PCDHGA3: variants seen among roughly 807,000 people sequenced by gnomAD.
The protein encoded by PCDHGA3 is protocadherin gamma subfamily A, 3, also known as protocadherin gamma-A3.
Under a neutral mutation model 58.5 loss-of-function variants are expected in PCDHGA3, and 40 were observed. The ratio of observed to expected loss-of-function variants is 0.68; its 90% confidence interval spans 0.53 to 0.89. PCDHGA3 has a LOEUF of 0.89. Among genes scored for constraint, PCDHGA3 ranks in the 40% least tolerant of loss-of-function variants. The probability of loss-of-function intolerance (pLI) is 0.00; values close to 1 mark genes in which losing one functional copy is unlikely to be tolerated. For synonymous variants in PCDHGA3, 530 were observed against 525.7 expected (o/e 1.01, Z -0.11); for missense variants, 1,223 against 1,195.9 (o/e 1.02, Z -0.33).
intron 1 of PCDHGA3, chr5:141,414,452 T>C (rs767824112): frequency 6.2e-7 from 1 of 1,613,886 alleles, no homozygotes. Flanking sequence ...AATATCACAG[T>C]GACAGCCACA....
intron 1 of PCDHGA3, among the ~76,000 whole-genome samples, chr5:141,475,250 A>G (rs941738675): frequency 6.6e-6 from 1 of 152,246 alleles, no homozygotes; most frequent in Non-Finnish European, 1.5e-5. Context: ...AGTGTGCTCT[A>G]CAACTGAGAT....
chr5:141,387,810 A>G (rs2091099710), intron 1 of PCDHGA3: 1 of 1,525,916 alleles, frequency 6.6e-7, no homozygotes. Context: ...TCGGAGATCC[A>G]AAAATCTGCA....
chr5:141,384,386 T>A (rs1208791457), intron 1 of PCDHGA3: 1 of 1,613,954 alleles, frequency 6.2e-7, no homozygotes, highest in South Asian at 1.1e-5. Flanking sequence ...GAAGACACCA[T>A]CCAGGGGGCT....
rs1367772661 is a variant in PCDHGA3, at chr5:141,512,193, GGAAGCTC to G, written c.*1026_*1032del. 2.0e-5 allele frequency: 3 copies of G among 152,756 alleles called. No homozygotes were observed. Among genetic ancestry groups the G allele is most frequent in the Non-Finnish European group, 4.4e-5 (3 of 68,136 alleles). 9.5% of individuals were successfully genotyped at this position (152,756 alleles called of 1,614,324 possible). ...GGATTAAACTGGCATTTCAGTCCAAGGAAGCTCGAAGCAGGTTTAGGACCAGGTCCCC... is the reference window on the plus strand; with the variant it reads ...GGATTAAACTGGCATTTCAGTCCAAGGAAGCAGGTTTAGGACCAGGTCCCC... On this transcript the variant is annotated 3_prime_UTR_variant, in exon 4 of 4. Coordinates refer to ENST00000253812, the MANE Select transcript of PCDHGA3 (RefSeq NM_018916.4).
In PCDHGA3 at chr5:141,385,322, A is replaced by C. The variant is rs1781120693; in HGVS notation, c.2424+38865A>C. On this transcript the variant is annotated intron_variant, in intron 1 of 3. Coordinates refer to ENST00000253812, the MANE Select transcript of PCDHGA3 (RefSeq NM_018916.4). ...TGTAAAGAAAACCTGCCAAGTATTC[A>C]GGTGAGCCCAGCCCTTCCTTTATTT... is the stretch of plus-strand genomic sequence containing the variant. The C allele has an allele frequency of 1.9e-6, 3 of 1,606,974 alleles. No homozygotes were observed. In the East Asian group the frequency reaches 6.7e-5, roughly 36 times the overall value.
At chr5:141,488,978 C>T (rs1346335195) in intron 1 of PCDHGA3, 4 of 388,976 alleles carry the variant, frequency 1.0e-5, no homozygotes, top group African/African-American at 2.1e-5. Flanking sequence ...GCCAATCAGA[C>T]TCAGAGCTGA....
At chr5:141,410,029 G>T (rs2095350230) in intron 1 of PCDHGA3, 15 of 1,613,274 alleles carry the variant, frequency 9.3e-6, no homozygotes, top group Non-Finnish European at 1.3e-5. Context: ...ACCACGTGCT[G>T]CAGGCCAGTG....
intron 1 of PCDHGA3, chr5:141,396,140 G>A (rs1199993001): frequency 2.0e-5 from 3 of 152,178 alleles, no homozygotes; most frequent in Non-Finnish European, 4.4e-5. Flanking sequence ...TTCTAAATAA[G>A]CTGATCAATT....
At chr5:141,383,639 A>G in intron 1 of PCDHGA3, 3 of 1,613,964 alleles carry the variant, frequency 1.9e-6, no homozygotes, top group Non-Finnish European at 2.5e-6. Flanking sequence ...CTGCCTCAGT[A>G]CCAAGTAACT....
In PCDHGA3 at chr5:141,375,892, G is replaced by C. The variant is rs753797132; in HGVS notation, c.2424+29435G>C. On this transcript the variant is annotated intron_variant, in intron 1 of 3. Transcript: ENST00000253812. ...ACAGAGACTCGGGCCAGAACGCCTG[G>C]CTGTCCTACCGCCTGCTCAAGGCCA... is the stretch of plus-strand genomic sequence containing the variant. 5 of 1,613,676 alleles carry C rather than the reference G, an allele frequency of 3.1e-6. No individual in the cohort carries two copies. In the Admixed American group the frequency reaches 8.3e-5, roughly 27 times the overall value.
rs144018757 is a variant in PCDHGA3, at chr5:141,443,001, A to G, written c.2425-51806A>G. On this transcript the variant is annotated intron_variant, in intron 1 of 3. Transcript: ENST00000253812. ...GTTAGCCTATAATTTCAGTAAATCTAAGAATATGACTAATGGAAGTTGCCA... is the reference window on the plus strand; with the variant it reads ...GTTAGCCTATAATTTCAGTAAATCTGAGAATATGACTAATGGAAGTTGCCA... Among the ~76,000 whole-genome samples the G allele has an allele frequency of 1.3e-3, 194 of 152,312 alleles. 1 individual carries two copies. The East Asian group carries it at 0.032, about 25-fold the overall frequency.
intron 1 of PCDHGA3, among the ~76,000 whole-genome samples, chr5:141,382,030 T>C (rs953371042): frequency 6.6e-6 from 1 of 151,856 alleles, no homozygotes; most frequent in African/African-American, 2.4e-5. Context: ...GGTTTCTCCA[T>C]GTTGGTCAGG....
At chr5:141,495,278 C>A (rs2099760057) in intron 2 of PCDHGA3, among the ~76,000 whole-genome samples, 1 of 152,174 alleles carries the variant, frequency 6.6e-6, no homozygotes, top group Non-Finnish European at 1.5e-5. Context: ...CCGGAGGAGG[C>A]GGTCCGCACT....
intron 1 of PCDHGA3, chr5:141,402,998 C>G: frequency 6.2e-7 from 1 of 1,613,908 alleles, no homozygotes; most frequent in Non-Finnish European, 8.5e-7. Context: ...ATTAGTCCTG[C>G]TATGCTCGCT....
intron 1 of PCDHGA3, chr5:141,478,134 C>A (rs2099431418): frequency 6.2e-7 from 1 of 1,614,074 alleles, no homozygotes; most frequent in African/African-American, 1.3e-5. Flanking sequence ...TCTCCTGAAG[C>A]CCGAGCCGAG....
At chr5:141,372,803 G>A (rs539583252) in intron 1 of PCDHGA3, 71 of 1,593,016 alleles carry the variant, frequency 4.5e-5, no homozygotes, top group Non-Finnish European at 6.1e-5. Flanking sequence ...CAGGCAATTT[G>A]CAAAAGGTGA....
At chr5:141,366,024 C>A in intron 1 of PCDHGA3, 1 of 1,614,260 alleles carries the variant, frequency 6.2e-7, no homozygotes, top group Non-Finnish European at 8.5e-7. Context: ...ATCCTGTACC[C>A]CGCCCTCCCC....
rs2099411055 is a variant in PCDHGA3, at chr5:141,477,429, C to T, written c.2425-17378C>T. 6.2e-7 allele frequency: 1 copy of T among 1,614,218 alleles called. No individual in the cohort carries two copies. Among genetic ancestry groups the T allele is most frequent in the South Asian group, 1.1e-5 (1 of 91,082 alleles). ...CGAGACGCCGGAACCCCTTCCCTCT[C>T]AGCCCTTACAATAGTGCGTGTTCAA... On this transcript the variant is annotated intron_variant, in intron 1 of 3. Coordinates refer to ENST00000253812, the MANE Select transcript of PCDHGA3 (RefSeq NM_018916.4). The surrounding 1 kb of genome is among the most constrained non-coding windows in gnomAD (Gnocchi z 4.9).
chr5:141,489,178 C>T lies in PCDHGA3; in HGVS notation c.2425-5629C>T, dbSNP rs909255357. ...GAGACTTCAGCTGCTGCATTCCAAG[C>T]CCTGGGTCTACCTTGGAGACAGGAC... On this transcript the variant is annotated intron_variant, in intron 1 of 3. Transcript: ENST00000253812. This position sits in a 1 kb window ranked among gnomAD's most constrained non-coding sequence, Gnocchi z 4.5. 54 of 1,234,872 alleles carry T rather than the reference C, an allele frequency of 4.4e-5. 1 individual carries two copies. In the East Asian group the frequency reaches 1.2e-3, roughly 29 times the overall value. 76.5% of individuals were successfully genotyped at this position (1,234,872 alleles called of 1,614,324 possible). A position where few individuals can be genotyped will look rare whatever the true frequency, so the allele number is the denominator to read the frequency against.
Sources: allele counts gnomAD v4.1 joint callset (sites outside exome capture counted in the v4.1 genomes callset), GRCh38; gene constraint gnomAD v4.1.1; non-coding constraint Gnocchi (gnomAD v3.1); transcripts MANE v1.5; gene names NCBI Gene and HGNC (gene_info 2026-07-23, HGNC 2026-07-21).